Variants in NCOA1 observed in about 807,000 individuals in gnomAD.
The protein encoded by NCOA1 is nuclear receptor coactivator 1, also known as Hin-2 protein.
A neutral mutation model predicts 150.9 loss-of-function variants in NCOA1; 35 were observed. The observed-to-expected ratio is 0.23, with a 90% confidence interval of 0.18 to 0.31. The LOEUF is 0.31. Among genes scored for constraint, NCOA1 ranks in the 10% least tolerant of loss-of-function variants. The probability of loss-of-function intolerance (pLI) is 1.00; values close to 1 mark genes in which losing one functional copy is unlikely to be tolerated. For missense variants in NCOA1, 1,491 were observed against 1,749.3 expected (o/e 0.85, Z 2.63); for synonymous variants, 590 against 630.0 (o/e 0.94, Z 0.95).
chr2:24,515,848 T>TAA (rs1664138969), intron 1 of NCOA1, among the ~76,000 whole-genome samples: 1 of 152,222 alleles, frequency 6.6e-6, no homozygotes, highest in African/African-American at 2.4e-5. Flanking sequence ...ATTTATAACT[T>TAA]TATTCAGTTT....
intron 1 of NCOA1, among the ~76,000 whole-genome samples, chr2:24,552,328 TA>T (rs1665865437): frequency 1.0e-4 from 1 of 9,552 alleles, no homozygotes; most frequent in African/African-American, 3.1e-4. Context: ...ATATTATATA[TA>T]TATATATATA....
At chr2:24,716,340 T>C (rs1674042793) in intron 14 of NCOA1, among the ~76,000 whole-genome samples, 2 of 151,868 alleles carry the variant, frequency 1.3e-5, no homozygotes, top group South Asian at 4.1e-4. Context: ...GGTGTGGTTT[T>C]GGAATAAAAA....
chr2:24,662,237 A>C (rs1041976386), intron 5 of NCOA1, among the ~76,000 whole-genome samples: 2 of 152,196 alleles, frequency 1.3e-5, no homozygotes, highest in Admixed American at 1.3e-4. Context: ...TTTCTCAGCA[A>C]CTGTTTGGTG....
intron 14 of NCOA1, among the ~76,000 whole-genome samples, chr2:24,719,230 C>T (rs1022799685): frequency 1.3e-5 from 2 of 151,914 alleles, no homozygotes; most frequent in South Asian, 2.1e-4. Context: ...TTTAAGCTCT[C>T]AAACAGGCAA....
intron 14 of NCOA1, among the ~76,000 whole-genome samples, chr2:24,722,957 C>T (rs561200810): frequency 1.4e-5 from 2 of 144,808 alleles, no homozygotes; most frequent in South Asian, 4.5e-4. Context: ...TGCCACTACA[C>T]TCCAGCCTGG....
intron 19 of NCOA1, among the ~76,000 whole-genome samples, chr2:24,746,620 G>A (rs1663934761): frequency 6.6e-6 from 1 of 151,964 alleles, no homozygotes; most frequent in East Asian, 1.9e-4. Flanking sequence ...TTATCTGATT[G>A]ATGCAAGTTA....
Position 24,710,180 on chromosome 2 carries a change from G to A in NCOA1, c.2419-751G>A, listed in dbSNP as rs570910347. ...ACGATCTCGGCTCACTGCAACCTCC[G>A]CCTCCCAGGTTCAAGTGATCCTCCT... On this transcript the variant is annotated intron_variant, in intron 13 of 22. Coordinates refer to ENST00000348332, the MANE Select transcript of NCOA1 (RefSeq NM_003743.5). Among the ~76,000 whole-genome samples, 11 of 151,978 alleles carry A rather than the reference G, an allele frequency of 7.2e-5. No homozygotes were observed. The South Asian group carries it at 2.1e-3, about 29-fold the overall frequency.
rs78813243 is a variant in NCOA1 at position 24,555,666 on chromosome 2, A to G, written c.-395-8629A>G. On this transcript the variant is annotated intron_variant, in intron 1 of 22. Transcript: ENST00000348332. ...AGATAGTAACACATTTAGGATTGCT[A>G]TGTCTTCTTAATGAATTGATTCTTT... Among the ~76,000 whole-genome samples the G allele has an allele frequency of 9.7e-4, 147 of 152,280 alleles. 1 individual carries two copies. The highest frequency in any genetic ancestry group is 3.3e-3 in the African/African-American group (139 of 41,560).
chr2:24,767,959 A>C, intron 22 of NCOA1: 1 of 903,404 alleles, frequency 1.1e-6, no homozygotes, highest in South Asian at 1.6e-5. Flanking sequence ...AATGATACTC[A>C]CTTTCAGTAT....
chr2:24,628,173 G>C (rs568430110), intron 3 of NCOA1, among the ~76,000 whole-genome samples: 1 of 152,074 alleles, frequency 6.6e-6, no homozygotes, highest in African/African-American at 2.4e-5. Flanking sequence ...GGTGGCGGAC[G>C]CCTGTAACTC....
At chr2:24,733,053 T>G (rs1231779665) in intron 17 of NCOA1, among the ~76,000 whole-genome samples, 1 of 152,194 alleles carries the variant, frequency 6.6e-6, no homozygotes, top group Admixed American at 6.5e-5. Context: ...GGATTACCCC[T>G]GGAGTTGTGT....
chr2:24,703,145 T>A (rs1673246264), intron 11 of NCOA1, among the ~76,000 whole-genome samples: 1 of 152,228 alleles, frequency 6.6e-6, no homozygotes, highest in South Asian at 2.1e-4. Context: ...TGGCTCAGTT[T>A]TAGTAATGAG....
At chr2:24,589,925 A>C (rs1667582374) in intron 3 of NCOA1, among the ~76,000 whole-genome samples, 2 of 152,114 alleles carry the variant, frequency 1.3e-5, no homozygotes, top group South Asian at 4.1e-4. Context: ...TGGGGCTATA[A>C]TTCATATTTT....
chr2:24,546,485 C>T (rs953057366), intron 1 of NCOA1, among the ~76,000 whole-genome samples: 1 of 152,122 alleles, frequency 6.6e-6, no homozygotes, highest in Non-Finnish European at 1.5e-5. Context: ...AAACTATAGT[C>T]CTAGGTTCAT....
In NCOA1 at chr2:24,742,131, T is replaced by G. The variant is rs1212992917; in HGVS notation, c.3651T>G (p.Phe1217Leu). ...RGMTGNIGGQ[F>L]GTGINPQMQQ... is the part of the protein sequence containing the mutation. ...TGACAGGAAACATAGGAGGACAGTT[T>G]GGCACTGGAATCAATCCTCAGATGC... Residue 1217 changes from phenylalanine (F) to leucine (L), a missense_variant, in exon 19 of 23, where the codon TTT becomes TTG. Physicochemically the swap from Phe to Leu is conservative, Grantham distance 22 (BLOSUM62 0). Transcript: ENST00000348332. 1 of 1,613,996 alleles carries G rather than the reference T, an allele frequency of 6.2e-7. No homozygotes were observed. The highest frequency in any genetic ancestry group is 2.2e-5 in the East Asian group (1 of 44,902).
chr2:24,594,188 C>T (rs989898416), intron 3 of NCOA1, among the ~76,000 whole-genome samples: 8 of 152,084 alleles, frequency 5.3e-5, no homozygotes, highest in East Asian at 3.9e-4. Context: ...AAACATGTTA[C>T]ATAAGCTTAT....
At chr2:24,606,237 G>A (rs2120000) in intron 3 of NCOA1, among the ~76,000 whole-genome samples, 121,999 of 151,322 alleles carry the variant, frequency 0.81, 51,068 homozygotes, top group East Asian at 0.99. Context: ...TATCATTATT[G>A]TTATTATTAT....
intron 1 of NCOA1, among the ~76,000 whole-genome samples, chr2:24,508,652 T>C (rs952739597): frequency 6.6e-6 from 1 of 152,168 alleles, no homozygotes; most frequent in Non-Finnish European, 1.5e-5. Context: ...TAATTTATCT[T>C]TTGAAGAACC....
At chr2:24,614,979 G>A (rs1668810574) in intron 3 of NCOA1, among the ~76,000 whole-genome samples, 1 of 152,104 alleles carries the variant, frequency 6.6e-6, no homozygotes, top group Non-Finnish European at 1.5e-5. Flanking sequence ...TTAGAGATTA[G>A]CAAATCAAAG....
Sources: gnomAD v4.1 joint callset for allele counts (sites outside exome capture counted in the v4.1 genomes callset) on GRCh38, gnomAD v4.1.1 for gene constraint, MANE v1.5 for transcripts, NCBI Gene and HGNC (gene_info 2026-07-23, HGNC 2026-07-21) for gene names.